Variants in GPR39 observed in about 807,000 individuals in gnomAD.
The protein encoded by GPR39 is zinc sensing receptor.
GPR39 carries 23 observed loss-of-function variants against 18.4 expected under a neutral mutation model. The ratio of observed to expected loss-of-function variants is 1.25; its 90% confidence interval spans 0.90 to 1.77. GPR39 has a LOEUF of 1.77. GPR39 is among the 40% of genes most tolerant of loss of function. The pLI is 0.00. For missense variants in GPR39, 647 were observed against 602.4 expected (o/e 1.07, Z -0.78); for synonymous variants, 280 against 257.9 (o/e 1.09, Z -0.82).
intron 1 of GPR39, among the ~76,000 whole-genome samples, chr2:132,479,109 A>T (rs550652818): frequency 6.6e-6 from 1 of 152,236 alleles, no homozygotes; most frequent in Non-Finnish European, 1.5e-5. Flanking sequence ...TGATGGGCTT[A>T]ATCAACTGAT....
At chr2:132,489,276 T>G (rs577043379) in intron 1 of GPR39, among the ~76,000 whole-genome samples, 27 of 152,232 alleles carry the variant, frequency 1.8e-4, no homozygotes, top group Admixed American at 4.6e-4. Flanking sequence ...TGCAATGACC[T>G]TTTCCCCATT....
intron 1 of GPR39, among the ~76,000 whole-genome samples, chr2:132,571,151 C>T (rs1680435592): frequency 6.6e-6 from 1 of 152,172 alleles, no homozygotes; most frequent in African/African-American, 2.4e-5. Context: ...GGTTTAGTTT[C>T]TGATTAAGAA....
intron 1 of GPR39, among the ~76,000 whole-genome samples, chr2:132,566,586 C>T (rs988752612): frequency 6.6e-6 from 1 of 152,204 alleles, no homozygotes; most frequent in African/African-American, 2.4e-5. Flanking sequence ...CCCTCCTCTC[C>T]TCCATGACCC....
At position 132,417,614 on chromosome 2, in the gene GPR39, G is replaced by T; in HGVS notation, c.572G>T (p.Cys191Phe). The change falls in exon 1 of 2, where the codon TGC becomes TTC. Residue 191 changes from cysteine to phenylalanine, a missense_variant. Around this residue, in one of 3 missense-constraint regions of GPR39, gnomAD observed 581 missense variants for 506.8 expected, o/e 1.15. Coordinates refer to ENST00000329321, the MANE Select transcript of GPR39 (RefSeq NM_001508.3). ...GTGCCCAGCCACCGGGGTCTCACTT[G>T]CAACCGCTCCAGCACCCGCCACCAC... ...VNVPSHRGLT[C>F]NRSSTRHHEQ... The T allele has an allele frequency of 6.2e-7, 1 of 1,614,062 alleles. No individual in the cohort carries two copies. Among genetic ancestry groups the T allele is most frequent in the Middle Eastern group, 1.6e-4 (1 of 6,062 alleles).
chr2:132,557,592 TGAGAGAGAGA>T (rs57544662), intron 1 of GPR39, among the ~76,000 whole-genome samples: 20 of 148,270 alleles, frequency 1.3e-4, no homozygotes, highest in African/African-American at 4.2e-4. Context: ...AAAGAAAGGA[TGAGAGAGAGA>T]GAGAGAGAGA....
chr2:132,547,084 T>G (rs1392048947), intron 1 of GPR39, among the ~76,000 whole-genome samples: 1 of 152,086 alleles, frequency 6.6e-6, no homozygotes, highest in Non-Finnish European at 1.5e-5. Context: ...AGAGGGTCAA[T>G]GGGGTTACTG....
At chr2:132,576,836 T>C (rs1680537432) in intron 1 of GPR39, among the ~76,000 whole-genome samples, 1 of 152,232 alleles carries the variant, frequency 6.6e-6, no homozygotes. Flanking sequence ...TGGCCTCCGA[T>C]GTCCAGTTGC....
At chr2:132,546,726 G>A (rs1339813918) in intron 1 of GPR39, among the ~76,000 whole-genome samples, 1 of 150,968 alleles carries the variant, frequency 6.6e-6, no homozygotes, top group East Asian at 1.9e-4. Context: ...GTGGACGTTG[G>A]CACCCTGGGG....
At position 132,596,354 on chromosome 2, in the gene GPR39, T is replaced by C. The variant is rs367672659; in HGVS notation, c.857-48747T>C. Among the ~76,000 whole-genome samples the C allele has an allele frequency of 5.9e-5, 9 of 152,206 alleles. No homozygotes were observed. In the East Asian group the frequency reaches 9.7e-4, roughly 16 times the overall value. ...ACTCCCCTTTTCCTTTTCTCTCTCT[T>C]TGTTTTGCAATGCCTCCAGCACATA... is the stretch of plus-strand genomic sequence containing the variant. On this transcript the variant is annotated intron_variant, in intron 1 of 1. Transcript: ENST00000329321.
chr2:132,614,842 A>C (rs911300807), intron 1 of GPR39, among the ~76,000 whole-genome samples: 4 of 152,226 alleles, frequency 2.6e-5, no homozygotes, highest in Non-Finnish European at 5.9e-5. Flanking sequence ...TGCCCGGCCA[A>C]GGAGCTTTCT....
At chr2:132,431,717 G>GGT (rs1291382139) in intron 1 of GPR39, among the ~76,000 whole-genome samples, 2 of 152,104 alleles carry the variant, frequency 1.3e-5, no homozygotes, top group African/African-American at 4.8e-5. Flanking sequence ...GAGGGAGTGT[G>GGT]GTGTGTGTGG....
chr2:132,587,959 C>A (rs1573683806), intron 1 of GPR39, among the ~76,000 whole-genome samples: 1 of 152,208 alleles, frequency 6.6e-6, no homozygotes, highest in East Asian at 1.9e-4. Flanking sequence ...GAATGAAAAC[C>A]AGCTTTAAGG....
In GPR39 at chr2:132,458,687, A is replaced by C. The variant is rs574537974; in HGVS notation, c.856+40789A>C. Among the ~76,000 whole-genome samples, 5 of 152,110 alleles carry C rather than the reference A, an allele frequency of 3.3e-5. No homozygotes were observed. In the South Asian group the frequency reaches 1.0e-3, roughly 32 times the overall value. On this transcript the variant is annotated intron_variant, in intron 1 of 1. Transcript: ENST00000329321. ...TTCCTTCTTGATGACAAAGTTTTGA[A>C]TTCTTTGAATTTTCCCCCCAGGCCA...
chr2:132,443,332 G>T (rs538461678), intron 1 of GPR39, among the ~76,000 whole-genome samples: 3 of 146,186 alleles, frequency 2.1e-5, no homozygotes, highest in African/African-American at 4.9e-5. Flanking sequence ...CCTGACTTAC[G>T]ATGGAGTGAC....
chr2:132,435,647 G>A (rs1438365716), intron 1 of GPR39, among the ~76,000 whole-genome samples: 1 of 152,166 alleles, frequency 6.6e-6, no homozygotes, highest in Non-Finnish European at 1.5e-5. Context: ...TAGTGACCTT[G>A]TGATATTACA....
intron 1 of GPR39, among the ~76,000 whole-genome samples, chr2:132,579,306 T>C (rs960859555): frequency 2.0e-5 from 3 of 152,180 alleles, no homozygotes; most frequent in Non-Finnish European, 4.4e-5. Context: ...AATTTCATTG[T>C]GGTCAGAGAA....
At chr2:132,593,280 C>T (rs1456340892) in intron 1 of GPR39, among the ~76,000 whole-genome samples, 2 of 152,142 alleles carry the variant, frequency 1.3e-5, no homozygotes, top group African/African-American at 4.8e-5. Flanking sequence ...AGGTCTTCAG[C>T]TCCCCTCCTC....
intron 1 of GPR39, among the ~76,000 whole-genome samples, chr2:132,511,431 T>A (rs903741236): frequency 6.6e-6 from 1 of 152,200 alleles, no homozygotes; most frequent in Non-Finnish European, 1.5e-5. Context: ...CTAATTTGAA[T>A]GAAATATGTT....
At chr2:132,625,150 C>T (rs74678127) in intron 1 of GPR39, among the ~76,000 whole-genome samples, 1,929 of 150,712 alleles carry the variant, frequency 0.013, 46 homozygotes, top group African/African-American at 0.044. Flanking sequence ...TGGCTTTTTC[C>T]CCTCTACCTT....
Sources: allele counts gnomAD v4.1 joint callset (sites outside exome capture counted in the v4.1 genomes callset), GRCh38; gene constraint gnomAD v4.1.1; regional missense constraint gnomAD v4.1.1; transcripts MANE v1.5; gene names NCBI Gene and HGNC (gene_info 2026-07-23, HGNC 2026-07-21).